SPECC1L: variants seen among roughly 807,000 people sequenced by gnomAD.
SPECC1L encodes sperm antigen with calponin homology and coiled-coil domains 1 like.
In SPECC1L, 40 loss-of-function variants were observed where a neutral mutation model predicts 116.8. That is an observed-to-expected ratio of 0.34 (90% CI 0.27 to 0.45). The LOEUF (loss-of-function observed/expected upper bound fraction) is 0.45. Among genes scored for constraint, SPECC1L ranks in the 20% least tolerant of loss-of-function variants. The pLI is 1.00. For missense variants in SPECC1L, 1,110 were observed against 1,373.6 expected (o/e 0.81, Z 3.03); for synonymous variants, 504 against 500.6 (o/e 1.01, Z -0.09).
At chr22:24,390,089 G>C (rs562528287) in intron 14 of SPECC1L, among the ~76,000 whole-genome samples, 9 of 150,534 alleles carry the variant, frequency 6.0e-5, no homozygotes, top group Non-Finnish European at 1.2e-4. Flanking sequence ...TATGTGTCCA[G>C]CCTTGAAGGG....
chr22:24,347,089 C>T lies in SPECC1L; in HGVS notation c.2656C>T (p.His886Tyr). ...PAAAVSPMQRHSISGPISTSK... is the reference protein window; with the variant it reads ...PAAAVSPMQRYSISGPISTSK... ...GTTGTTTATCTTATGATTTCAGAGA[C>T]ATTCCATAAGTGGACCAATCTCAAC... The change falls in exon 11 of 17, where the codon CAT (histidine) becomes TAT (tyrosine). Residue 886 changes from histidine to tyrosine, a missense_variant. Physicochemically the swap from His to Tyr is moderately conservative, Grantham distance 83. This residue lies in a region of SPECC1L where 575 missense variants were observed against 682.4 expected (regional missense o/e 0.84). Transcript: ENST00000314328. The T allele has an allele frequency of 1.2e-6, 2 of 1,612,728 alleles. No individual in the cohort carries two copies. The highest frequency in any genetic ancestry group is 2.2e-5 in the South Asian group (2 of 91,042).
chr22:24,273,788 C>T (rs1303736704), intron 1 of SPECC1L, among the ~76,000 whole-genome samples: 1 of 152,134 alleles, frequency 6.6e-6, no homozygotes, highest in African/African-American at 2.4e-5. Flanking sequence ...GAGACAGTTT[C>T]GCTCTTGTTG....
chr22:24,412,800 G>T (rs1601375585), intron 16 of SPECC1L, 93 bp downstream of exon 16: 3 of 1,397,522 alleles, frequency 2.1e-6, no homozygotes, highest in East Asian at 2.3e-5. Context: ...TGGGCATGGG[G>T]TAGTGTGGCT....
intron 2 of SPECC1L, among the ~76,000 whole-genome samples, chr22:24,286,598 T>C (rs566099006): frequency 1.8e-4 from 27 of 152,342 alleles, no homozygotes; most frequent in African/African-American, 6.3e-4. Context: ...CCTCTTTTTC[T>C]GTCTTATATC....
chr22:24,347,421 GTT>G (rs1359452595), intron 11 of SPECC1L, among the ~76,000 whole-genome samples: 1 of 152,130 alleles, frequency 6.6e-6, no homozygotes, highest in Non-Finnish European at 1.5e-5. Context: ...GCTAGGCACT[GTT>G]TTCACAGTTC....
At chr22:24,276,442 A>G (rs1325678098) in intron 1 of SPECC1L, among the ~76,000 whole-genome samples, 1 of 151,800 alleles carries the variant, frequency 6.6e-6, no homozygotes, top group African/African-American at 2.4e-5. Context: ...CTAAAGAAAA[A>G]CATACTGGTG....
chr22:24,338,310 G>A (rs1231597912), intron 9 of SPECC1L, 76 bp from the exon 10 acceptor site: 17 of 1,413,428 alleles, frequency 1.2e-5, no homozygotes, highest in Non-Finnish European at 1.7e-5. Context: ...GTAATCAGGC[G>A]AGTCCTTAAG....
intron 6 of SPECC1L, among the ~76,000 whole-genome samples, chr22:24,325,918 C>CT (rs1310814681): frequency 6.6e-6 from 1 of 152,116 alleles, no homozygotes; most frequent in Non-Finnish European, 1.5e-5. Context: ...AGAAATTACA[C>CT]TCCTAACATT....
At chr22:24,329,565 TG>T (rs986155369) in intron 7 of SPECC1L, among the ~76,000 whole-genome samples, 1 of 152,192 alleles carries the variant, frequency 6.6e-6, no homozygotes, top group Non-Finnish European at 1.5e-5. Context: ...GCTGCTTTCA[TG>T]GTGTAAGAAA....
chr22:24,332,820 A>G (rs1385886619), intron 8 of SPECC1L, among the ~76,000 whole-genome samples: 1 of 152,076 alleles, frequency 6.6e-6, no homozygotes, highest in Admixed American at 6.6e-5. Context: ...GTTTTAATGT[A>G]ATGGAAGACA....
At chr22:24,274,816 A>C (rs1601476740) in intron 1 of SPECC1L, among the ~76,000 whole-genome samples, 1 of 152,188 alleles carries the variant, frequency 6.6e-6, no homozygotes, top group Non-Finnish European at 1.5e-5. Flanking sequence ...ACACTTCAAT[A>C]CTGGGCTTTG....
rs544197981 is a variant in SPECC1L at position 24,278,665 on chromosome 22, T to C, written c.-38+1862T>C. 3.8e-4 allele frequency among the ~76,000 whole-genome samples: 58 copies of C among 152,342 alleles called. 3 individuals carry two copies. The South Asian group carries it at 0.012, about 30-fold the overall frequency. ...GGTAAGAATTTAGGAAATAAATTAA[T>C]TACATATATAGCATAGGGTTTCACC... On this transcript the variant is annotated intron_variant, in intron 2 of 16. Coordinates refer to ENST00000314328, the MANE Select transcript of SPECC1L (RefSeq NM_015330.6).
rs1412798517 is a variant in SPECC1L at position 24,324,327 on chromosome 22, A to G, written c.2046A>G (p.Glu682=). Residue 682 remains glutamate, a synonymous_variant, in exon 6 of 17, where the codon GAA becomes GAG. Transcript: ENST00000314328. ...CAGACCTGGATGAAAAAGAAACAGA[A>G]AGGAGTGACATGAAAGAAACCATCT... ...LRSDLDEKET[E]RSDMKETIFE... 5 of 1,613,958 alleles carry G rather than the reference A, an allele frequency of 3.1e-6. No homozygotes were observed. The highest frequency in any genetic ancestry group is 4.2e-6 in the Non-Finnish European group (5 of 1,179,916).
At chr22:24,362,391 A>G (rs2041663315) in intron 11 of SPECC1L, among the ~76,000 whole-genome samples, 1 of 152,164 alleles carries the variant, frequency 6.6e-6, no homozygotes, top group African/African-American at 2.4e-5. Flanking sequence ...GGAACTCCCA[A>G]GACAGCTTGT....
intron 2 of SPECC1L, among the ~76,000 whole-genome samples, chr22:24,295,313 T>A (rs901769613): frequency 6.6e-5 from 10 of 150,886 alleles, no homozygotes; most frequent in Admixed American, 6.6e-4. Flanking sequence ...GTATGATTTT[T>A]AAAATAATTT....
chr22:24,392,544 C>G (rs1300998622), intron 14 of SPECC1L, among the ~76,000 whole-genome samples: 1 of 152,128 alleles, frequency 6.6e-6, no homozygotes, highest in African/African-American at 2.4e-5. Context: ...GGTGACCTCT[C>G]CATTTGAGAA....
chr22:24,329,050 G>A, intron 7 of SPECC1L, 131 bp downstream of exon 7: 1 of 739,160 alleles, frequency 1.4e-6, no homozygotes, highest in Non-Finnish European at 2.4e-6. Flanking sequence ...TGGGCTTTGG[G>A]CAGAAAGCAA....
intron 13 of SPECC1L, among the ~76,000 whole-genome samples, chr22:24,366,131 C>T (rs1470870763): frequency 1.3e-5 from 2 of 151,726 alleles, no homozygotes; most frequent in African/African-American, 2.4e-5. Flanking sequence ...AGAAGGTGTA[C>T]CTACCATATC....
chr22:24,362,952 G>T (rs2041673981), intron 11 of SPECC1L, among the ~76,000 whole-genome samples: 1 of 152,222 alleles, frequency 6.6e-6, no homozygotes. Flanking sequence ...CCTAGTTGCA[G>T]TAGAGGATCT....
Sources: gnomAD v4.1 joint callset for allele counts (sites outside exome capture counted in the v4.1 genomes callset) on GRCh38, gnomAD v4.1.1 for gene constraint, gnomAD v4.1.1 regional missense constraint, MANE v1.5 for transcripts, NCBI Gene and HGNC (gene_info 2026-07-23, HGNC 2026-07-21) for gene names.